NLRP5: variants seen among roughly 807,000 people sequenced by gnomAD.
The protein encoded by NLRP5 is NACHT, LRR and PYD domains-containing protein 5.
A neutral mutation model predicts 113.1 loss-of-function variants in NLRP5; 93 were observed. That is an observed-to-expected ratio of 0.82 (90% CI 0.70 to 0.98). The LOEUF (loss-of-function observed/expected upper bound fraction) is 0.98, where lower values mean the gene tolerates loss of function less well. Among genes scored for constraint, NLRP5 ranks in the 50% least tolerant of loss-of-function variants. The probability of loss-of-function intolerance (pLI) is 0.00; values close to 1 mark genes in which losing one functional copy is unlikely to be tolerated. For missense variants in NLRP5, 1,808 were observed against 1,514.3 expected (o/e 1.19, Z -3.22); for synonymous variants, 751 against 600.7 (o/e 1.25, Z -3.66).
rs392801 is a variant in NLRP5 at position 56,053,761 on chromosome 19, G to T, written c.3252G>T (p.Ala1084=). ...CCCTGGGTGACGGTGGGGTTGCTGC[G>T]CTGTGCGAGGGACTGAAGCAAAAGA... Residue 1084 remains alanine (A), a synonymous_variant, in exon 13 of 15, where the codon GCG becomes GCT. Coordinates refer to ENST00000390649, the MANE Select transcript of NLRP5 (RefSeq NM_153447.4). 2.6e-4 allele frequency: 412 copies of T among 1,613,854 alleles called. 8 individuals carry two copies. The East Asian group carries it at 8.5e-3, about 33-fold the overall frequency.
intron 4 of NLRP5, among the ~76,000 whole-genome samples, chr19:56,017,647 C>CTT (rs1431948056): frequency 2.0e-5 from 3 of 152,128 alleles, no homozygotes; most frequent in Admixed American, 6.6e-5. Flanking sequence ...GGAACATAAA[C>CTT]TTGAAGCATG....
At chr19:55,989,640 A>G in the NLRP5 span, among the ~76,000 whole-genome samples, 1,208 of 151,844 alleles carry the variant, frequency 8.0e-3, 22 homozygotes, top group African/African-American at 0.028. Flanking sequence ...TCTCTTCCCT[A>G]TTTTCTGCTC....
In NLRP5 at chr19:56,042,987, T is replaced by G. The variant is rs1983577236; in HGVS notation, c.2957+1895T>G. Reference sequence around the variant, plus strand: ...TATATGTATGTGTGTGTGTGTGTGTTTCTTTATCCACTCATTGATTGATGG... The same window carrying G: ...TATATGTATGTGTGTGTGTGTGTGTGTCTTTATCCACTCATTGATTGATGG... On this transcript the variant is annotated intron_variant, in intron 11 of 14. Transcript: ENST00000390649. Among the ~76,000 whole-genome samples the G allele has an allele frequency of 2.0e-5, 3 of 150,146 alleles. No individual in the cohort carries two copies. The South Asian group carries it at 6.4e-4, about 32-fold the overall frequency.
At chr19:56,030,760 G>A (rs1166820241) in intron 7 of NLRP5, among the ~76,000 whole-genome samples, 1 of 113,404 alleles carries the variant, frequency 8.8e-6, no homozygotes, top group Non-Finnish European at 1.7e-5. Context: ...GGTCACCCAG[G>A]CTGGAGTGCA....
At chr19:56,024,432 C>CAT (rs1174241706) in intron 6 of NLRP5, among the ~76,000 whole-genome samples, 1 of 140,970 alleles carries the variant, frequency 7.1e-6, no homozygotes, top group African/African-American at 2.7e-5. Context: ...TATATATACA[C>CAT]ATATACATAT....
chr19:55,989,374 T>G, the NLRP5 span, among the ~76,000 whole-genome samples: 1 of 152,098 alleles, frequency 6.6e-6, no homozygotes, highest in East Asian at 1.9e-4. Context: ...TGCCTCAGCC[T>G]CCCGAGTAGC....
intron 2 of NLRP5, among the ~76,000 whole-genome samples, chr19:56,006,521 C>T (rs1859044547): frequency 1.3e-5 from 2 of 151,900 alleles, no homozygotes; most frequent in Admixed American, 1.3e-4. Flanking sequence ...CATTTGAGGT[C>T]AGGAGTTTGA....
Position 56,050,695 on chromosome 19 carries a change from G to C in NLRP5, c.3128+107G>C, listed in dbSNP as rs995480149. The C allele has an allele frequency of 4.6e-6, 5 of 1,081,540 alleles. No homozygotes were observed. The African/African-American group carries it at 6.3e-5, about 14-fold the overall frequency. The allele number at this position is 1,081,540 out of a possible 1,614,324, so 67.0% of individuals were successfully genotyped here. A position where few individuals can be genotyped will look rare whatever the true frequency, so the allele number is the denominator to read the frequency against. On this transcript the variant is annotated intron_variant, in intron 12 of 14. Coordinates refer to ENST00000390649, the MANE Select transcript of NLRP5 (RefSeq NM_153447.4). Reference sequence around the variant, plus strand: ...GACCGGAACCAAAAACTGCTTTCAGGGTGAGCTGACACTCATTTTTCCAAG... The same window carrying C: ...GACCGGAACCAAAAACTGCTTTCAGCGTGAGCTGACACTCATTTTTCCAAG...
intron 11 of NLRP5, among the ~76,000 whole-genome samples, chr19:56,043,824 T>G (rs188629): frequency 0.33 from 49,114 of 151,050 alleles, 8,219 homozygotes; most frequent in Middle Eastern, 0.42. Context: ...TGATTTGCCC[T>G]CCTCAGCCTC....
In NLRP5 at chr19:55,999,763, C is replaced by T. The variant is rs1981557531; in HGVS notation, c.38C>T (p.Ala13Val). The change falls in exon 1 of 15, where the codon GCT (alanine) becomes GTT (valine). Residue 13 changes from alanine to valine, a missense_variant. Ala to Val is a moderately conservative substitution (Grantham distance 64). Coordinates refer to ENST00000390649, the MANE Select transcript of NLRP5 (RefSeq NM_153447.4). ...GGAGGACTTGAACTTGGAGCTGCTG[C>T]TCTGCTCTCAGCATCACCACGTGCG... is the stretch of plus-strand genomic sequence containing the variant. 2 of 1,613,410 alleles carry T rather than the reference C, an allele frequency of 1.2e-6. No homozygotes were observed. Among genetic ancestry groups the T allele is most frequent in the African/African-American group, 1.3e-5 (1 of 74,904 alleles).
the NLRP5 span, among the ~76,000 whole-genome samples, chr19:55,988,999 C>T: frequency 2.6e-5 from 4 of 152,086 alleles, no homozygotes; most frequent in Non-Finnish European, 4.4e-5. Flanking sequence ...TTTCCATTTA[C>T]CAATAGTCAA....
chr19:56,055,600 C>T (rs140451596), intron 13 of NLRP5, among the ~76,000 whole-genome samples: 4,131 of 124,146 alleles, frequency 0.033, 93 homozygotes, highest in Non-Finnish European at 0.049. Context: ...GGCTGGAGTG[C>T]AGTGGCGCGA....
intron 11 of NLRP5, among the ~76,000 whole-genome samples, chr19:56,048,954 C>G (rs527494071): frequency 7.0e-6 from 1 of 142,888 alleles, no homozygotes; most frequent in African/African-American, 2.6e-5. Context: ...AAGACCTTGA[C>G]TTCAAGCTCT....
chr19:56,008,881 G>T, intron 3 of NLRP5, 28 bp downstream of exon 3: 1 of 1,600,250 alleles, frequency 6.2e-7, no homozygotes, highest in African/African-American at 1.3e-5. Context: ...GGGGGAAATA[G>T]GATGTGCTTA....
chr19:56,024,356 A>G (rs1268316744), intron 6 of NLRP5, among the ~76,000 whole-genome samples: 13 of 141,826 alleles, frequency 9.2e-5, no homozygotes, highest in Admixed American at 2.8e-4. Flanking sequence ...AAAAAAAAAA[A>G]GAACAAATAT....
In NLRP5 at chr19:56,024,757, C is replaced by CA. The variant is rs572425329; in HGVS notation, c.680-2144dup. Among the ~76,000 whole-genome samples, 963 of 141,554 alleles carry CA rather than the reference C, an allele frequency of 6.8e-3. 9 individuals are homozygous for CA. Among genetic ancestry groups the CA allele is most frequent in the African/African-American group, 0.021 (814 of 38,822 alleles). The allele number at this position is 141,554 out of a possible 152,430, so 92.9% of individuals were successfully genotyped here. On this transcript the variant is annotated intron_variant, in intron 6 of 14. Transcript: ENST00000390649. ...TGGGCAACAGACTGCAACTGTGTCT[C>CA]AAAAAAAAAAAATCTTCATCAGGTG...
intron 11 of NLRP5, among the ~76,000 whole-genome samples, chr19:56,047,368 G>T (rs145548505): frequency 6.6e-6 from 1 of 152,228 alleles, no homozygotes; most frequent in African/African-American, 2.4e-5. Flanking sequence ...TTTGATGTAG[G>T]CGTTGAGGGC....
At chr19:56,042,459 C>T (rs995228693) in intron 11 of NLRP5, among the ~76,000 whole-genome samples, 2 of 152,180 alleles carry the variant, frequency 1.3e-5, no homozygotes, top group African/African-American at 4.8e-5. Flanking sequence ...AGCGATTCTC[C>T]TGCTTCAGCC....
chr19:56,027,048 C>T lies in NLRP5; in HGVS notation c.815C>T (p.Ser272Leu), dbSNP rs373772450. Residue 272 changes from serine to leucine, a missense_variant, in exon 7 of 15, where the codon TCA (serine) becomes TTA (leucine). By Grantham distance (145) the Ser-to-Leu change is moderately radical (BLOSUM62 -2). Coordinates refer to ENST00000390649, the MANE Select transcript of NLRP5 (RefSeq NM_153447.4). ...CAAACGTTGGCTGGTGCTTTTGATT[C>T]AGACCGGTGGGGCTTCCGGCCTCGC... The T allele has an allele frequency of 9.1e-5, 142 of 1,553,598 alleles. No homozygotes were observed. The highest frequency in any genetic ancestry group is 1.2e-4 in the Non-Finnish European group (139 of 1,148,292).
Sources: allele counts gnomAD v4.1 joint callset (sites outside exome capture counted in the v4.1 genomes callset), GRCh38; gene constraint gnomAD v4.1.1; transcripts MANE v1.5; gene names NCBI Gene and HGNC (gene_info 2026-07-23, HGNC 2026-07-21).